HIPK1: variants seen among roughly 807,000 people sequenced by gnomAD.
HIPK1 encodes the protein homeodomain interacting protein kinase 1.
A neutral mutation model predicts 117.1 loss-of-function variants in HIPK1; 28 were observed. The ratio of observed to expected loss-of-function variants is 0.24; its 90% CI spans 0.18 to 0.33. HIPK1 has a LOEUF of 0.33. Ranked by LOEUF, HIPK1 falls within the 10% of genes least tolerant of loss-of-function variation. The pLI is 1.00. For missense variants in HIPK1, 1,122 were observed against 1,475.1 expected (o/e 0.76, Z 3.92); for synonymous variants, 605 against 562.5 (o/e 1.08, Z -1.07).
At chr1:113,947,655 G>A (rs779358789) in intron 2 of HIPK1, among the ~76,000 whole-genome samples, 7 of 152,148 alleles carry the variant, frequency 4.6e-5, no homozygotes, top group Non-Finnish European at 1.0e-4. Flanking sequence ...CAACAATGTT[G>A]GTTGGAAGAA....
Position 113,957,227 on chromosome 1 carries a change from A to C in HIPK1, c.1696A>C (p.Asn566His), listed in dbSNP as rs1671783921. ...TCCCTTCACTACACATGTTGCCCCA[A>C]ATACAAGCACAAATCTAACCATGAG... Reference protein sequence around the residue: ...KSPFTTHVAPNTSTNLTMSFS... With the variant: ...KSPFTTHVAPHTSTNLTMSFS... The change falls in exon 7 of 16, where the codon AAT becomes CAT. Residue 566 changes from asparagine to histidine, a missense_variant. Around this residue, in one of 6 missense-constraint regions of HIPK1, gnomAD observed 731 missense variants for 860.4 expected, o/e 0.85. Transcript: ENST00000426820. 2 of 1,613,836 alleles carry C rather than the reference A, an allele frequency of 1.2e-6. No individual in the cohort carries two copies. The highest frequency in any genetic ancestry group is 1.7e-5 in the Admixed American group (1 of 59,996).
rs1239781612 is a variant in HIPK1, at chr1:113,969,937, G to T, written c.2772-19G>T. 1 of 1,613,168 alleles carries T rather than the reference G, an allele frequency of 6.2e-7. No homozygotes were observed. Among genetic ancestry groups the T allele is most frequent in the Admixed American group, 1.7e-5 (1 of 59,990 alleles). On this transcript the variant is annotated intron_variant, in intron 13 of 15. Coordinates refer to ENST00000426820, the MANE Select transcript of HIPK1 (RefSeq NM_198268.3). The stretch of plus-strand genomic sequence containing the variant: ...CAAAAAAGAACAATTCAATTTTCAT[G>T]TATTTTTCTTTTCCTCAGCTCTGGA...
intron 2 of HIPK1, chr1:113,951,428 T>C (rs1671355550): frequency 1.5e-5 from 4 of 266,724 alleles, no homozygotes; most frequent in Non-Finnish European, 2.3e-5. Flanking sequence ...TCTTTCTTTT[T>C]CTCAGTTTCT....
At chr1:113,931,240 G>A (rs150256538) in intron 1 of HIPK1, among the ~76,000 whole-genome samples, 8 of 149,452 alleles carry the variant, frequency 5.4e-5, no homozygotes, top group Non-Finnish European at 1.0e-4. Flanking sequence ...GAAGCCTAAA[G>A]CTTTCTATAA....
At chr1:113,954,506 A>G in intron 3 of HIPK1, 145 bp from the exon 4 acceptor site, 1 of 747,440 alleles carries the variant, frequency 1.3e-6, no homozygotes, top group Non-Finnish European at 2.2e-6. Context: ...ATTAGTATAT[A>G]TAGGTATTTA....
Position 113,940,387 on chromosome 1 carries a change from G to A in HIPK1, c.4G>A (p.Ala2Thr), listed in dbSNP as rs1419583295. 1 of 1,596,398 alleles carries A rather than the reference G, an allele frequency of 6.3e-7. No homozygotes were observed. Among genetic ancestry groups the A allele is most frequent in the Non-Finnish European group, 8.5e-7 (1 of 1,171,064 alleles). The change falls in exon 2 of 16, where the codon GCA (alanine) becomes ACA (threonine). Residue 2 changes from alanine (A) to threonine (T), a missense_variant. By Grantham distance (58) the Ala-to-Thr change is moderately conservative. Around this residue, in one of 6 missense-constraint regions of HIPK1, gnomAD observed 192 missense variants for 234.0 expected, o/e 0.82. Coordinates refer to ENST00000426820, the MANE Select transcript of HIPK1 (RefSeq NM_198268.3). The stretch of plus-strand genomic sequence containing the variant: ...CTTCCTTTCTCTCAATATAGGTATG[G>A]CATCACAGCTGCAAGTGTTTTCGCC... MASQLQVFSPPS... is the reference protein window; with the variant it reads MTSQLQVFSPPS...
intron 2 of HIPK1, among the ~76,000 whole-genome samples, chr1:113,948,552 C>T (rs890096336): frequency 5.3e-5 from 8 of 151,342 alleles, no homozygotes; most frequent in African/African-American, 9.7e-5. Context: ...CGTTTCTGGC[C>T]GTATTTTTTT....
chr1:113,963,244 A>G (rs1198196550), intron 9 of HIPK1, 143 bp from the exon 10 acceptor site: 3 of 903,570 alleles, frequency 3.3e-6, no homozygotes, highest in South Asian at 3.6e-5. Context: ...TGAAGGGGGA[A>G]AGTTGTGTTT....
intron 2 of HIPK1, among the ~76,000 whole-genome samples, chr1:113,945,494 T>C (rs561370206): frequency 2.6e-5 from 4 of 152,224 alleles, no homozygotes; most frequent in Non-Finnish European, 5.9e-5. Flanking sequence ...TTTGATTCTT[T>C]GTTGATTTTT....
chr1:113,930,126 G>T (rs750695699), intron 1 of HIPK1, among the ~76,000 whole-genome samples: 1 of 152,240 alleles, frequency 6.6e-6, no homozygotes, highest in African/African-American at 2.4e-5. Context: ...CCGCTGAGGG[G>T]ATTGCCTTCC....
intron 14 of HIPK1, 49 bp downstream of exon 14, chr1:113,970,246 A>G: frequency 6.2e-7 from 1 of 1,603,386 alleles, no homozygotes; most frequent in Non-Finnish European, 8.5e-7. Flanking sequence ...TGATGTGTGA[A>G]TGCTTAAATA....
chr1:113,953,308 C>A (rs1252745716), intron 3 of HIPK1, among the ~76,000 whole-genome samples: 3 of 152,102 alleles, frequency 2.0e-5, no homozygotes, highest in Non-Finnish European at 4.4e-5. Flanking sequence ...CAGACTGAAA[C>A]ACTTCAGGTC....
Position 113,938,931 on chromosome 1 carries a change from C to T in HIPK1, c.-2-1451C>T, listed in dbSNP as rs7539943. 7.7e-3 allele frequency among the ~76,000 whole-genome samples: 221 copies of T among 28,666 alleles called. 1 individual carries two copies. Among genetic ancestry groups the T allele is most frequent in the South Asian group, 0.012 (11 of 898 alleles). The allele number at this position is 28,666 out of a possible 152,430, so 18.8% of individuals were successfully genotyped here. ...TCTCAAAAAAAAAAAAAAAAAAATA[C>T]ACACACACACACACACACACACACA... On this transcript the variant is annotated intron_variant, in intron 1 of 15. Coordinates refer to ENST00000426820, the MANE Select transcript of HIPK1 (RefSeq NM_198268.3).
At chr1:113,945,904 G>C (rs946359307) in intron 2 of HIPK1, among the ~76,000 whole-genome samples, 1 of 152,116 alleles carries the variant, frequency 6.6e-6, no homozygotes, top group Non-Finnish European at 1.5e-5. Context: ...TTTTTATTAA[G>C]GATAGCGATG....
rs745499586 is a variant in HIPK1 at position 113,970,165 on chromosome 1, T to C, written c.2981T>C (p.Leu994Pro). 1 of 1,614,168 alleles carries C rather than the reference T, an allele frequency of 6.2e-7. No individual in the cohort carries two copies. The highest frequency in any genetic ancestry group is 1.1e-5 in the South Asian group (1 of 91,084). ...ATTGTGCCTCCACTGAAAACTCAGC[T>C]TGGTGACTGCACTGTAGCAACCCAG... ...TIIVPPLKTQ[L>P]GDCTVATQAS... The change falls in exon 14 of 16, where the codon CTT (leucine) becomes CCT (proline). Residue 994 changes from leucine to proline, a missense_variant. Transcript: ENST00000426820.
chr1:113,932,666 A>C (rs145858716), intron 1 of HIPK1, among the ~76,000 whole-genome samples: 1 of 152,262 alleles, frequency 6.6e-6, no homozygotes, highest in East Asian at 1.9e-4. Context: ...GGCGTGAGCC[A>C]CCATGCCTGG....
chr1:113,946,462 T>C (rs1671001398), intron 2 of HIPK1, among the ~76,000 whole-genome samples: 1 of 152,238 alleles, frequency 6.6e-6, no homozygotes, highest in African/African-American at 2.4e-5. Flanking sequence ...ATTATTTGGC[T>C]TTGTTATAAT....
At chr1:113,963,552 C>T (rs568576827) in intron 10 of HIPK1, 31 bp downstream of exon 10, 24 of 1,566,446 alleles carry the variant, frequency 1.5e-5, no homozygotes, top group African/African-American at 2.8e-5. Flanking sequence ...GTGTTACTAA[C>T]GGAGTTTCTT....
intron 9 of HIPK1, among the ~76,000 whole-genome samples, chr1:113,962,703 C>T (rs558830982): frequency 2.0e-5 from 3 of 152,124 alleles, no homozygotes; most frequent in East Asian, 1.9e-4. Flanking sequence ...TCTAATTTTG[C>T]GGGGTGAAGC....
Sources: gnomAD v4.1 joint callset for allele counts (sites outside exome capture counted in the v4.1 genomes callset) on GRCh38, gnomAD v4.1.1 for gene constraint, gnomAD v4.1.1 regional missense constraint, MANE v1.5 for transcripts, NCBI Gene and HGNC (gene_info 2026-07-23, HGNC 2026-07-21) for gene names.